Variants in CDK6 observed in about 807,000 individuals in gnomAD.
CDK6 encodes cyclin dependent kinase 6.
Under a neutral mutation model 37.1 loss-of-function variants are expected in CDK6, and 6 were observed. The ratio of observed to expected loss-of-function variants is 0.16; its 90% CI spans 0.09 to 0.32. The LOEUF is 0.32. Among genes scored for constraint, CDK6 ranks in the 10% least tolerant of loss-of-function variants. The probability of loss-of-function intolerance (pLI) is 1.00; values close to 1 mark genes in which losing one functional copy is unlikely to be tolerated. For synonymous variants in CDK6, 160 were observed against 161.3 expected (o/e 0.99, Z 0.06); for missense variants, 224 against 418.9 (o/e 0.53, Z 4.06).
intron 2 of CDK6, among the ~76,000 whole-genome samples, chr7:92,821,028 T>C (rs554997543): frequency 3.3e-5 from 5 of 152,172 alleles, no homozygotes; most frequent in Admixed American, 3.3e-4. Flanking sequence ...AGGTGGTGTA[T>C]GTCTCTACCT....
intron 2 of CDK6, among the ~76,000 whole-genome samples, chr7:92,812,694 G>A (rs1395300866): frequency 6.6e-6 from 1 of 152,102 alleles, no homozygotes; most frequent in Admixed American, 6.5e-5. Flanking sequence ...CCAAGGTGCT[G>A]GGATTACACA....
At chr7:92,639,981 G>C (rs985889892) in intron 5 of CDK6, among the ~76,000 whole-genome samples, 1 of 151,942 alleles carries the variant, frequency 6.6e-6, no homozygotes, top group Non-Finnish European at 1.5e-5. Flanking sequence ...TGAATCCAAG[G>C]GTATCTATCT....
rs60054298 is a variant in CDK6, at chr7:92,614,356, ATG to A, written c.*782_*783del. The stretch of plus-strand genomic sequence containing the variant: ...TTTCCAAAAGAAATGATAAAGCATG[ATG>A]TCATACAGAAGGTTAAAATAGACTT... On this transcript the variant is annotated 3_prime_UTR_variant, in exon 8 of 8. Transcript: ENST00000424848. 0.053 allele frequency: 12,341 copies of A among 232,954 alleles called. 1,460 individuals are homozygous for A. The highest frequency in any genetic ancestry group is 0.25 in the African/African-American group (11,335 of 45,320). The allele number at this position is 232,954 out of a possible 1,614,324, so 14.4% of individuals were successfully genotyped here.
chr7:92,731,658 T>C (rs1417839754), intron 3 of CDK6, among the ~76,000 whole-genome samples: 2 of 152,080 alleles, frequency 1.3e-5, no homozygotes, highest in Non-Finnish European at 2.9e-5. Context: ...ATCAAATATG[T>C]ATTCTGAAAT....
At chr7:92,678,980 T>C (rs898650717) in intron 4 of CDK6, among the ~76,000 whole-genome samples, 3 of 152,208 alleles carry the variant, frequency 2.0e-5, no homozygotes, top group Non-Finnish European at 2.9e-5. Context: ...TTCTTCCTCC[T>C]GGATTCCAGT....
intron 4 of CDK6, among the ~76,000 whole-genome samples, chr7:92,677,032 C>A (rs1683402963): frequency 6.6e-6 from 1 of 151,762 alleles, no homozygotes; most frequent in South Asian, 2.1e-4. Flanking sequence ...CTACTCATCA[C>A]TTCACATTTA....
chr7:92,781,943 T>A (rs1387863452), intron 2 of CDK6, among the ~76,000 whole-genome samples: 1 of 152,216 alleles, frequency 6.6e-6, no homozygotes, highest in African/African-American at 2.4e-5. Context: ...CTGTATTCTC[T>A]TTTTTGCTCA....
intron 4 of CDK6, among the ~76,000 whole-genome samples, chr7:92,675,926 A>G (rs1797192464): frequency 6.6e-6 from 1 of 151,634 alleles, no homozygotes; most frequent in South Asian, 2.1e-4. Context: ...GGTTATACTG[A>G]TTTTCTTTTT....
chr7:92,634,159 C>T (rs1050548458), intron 5 of CDK6, among the ~76,000 whole-genome samples: 9 of 152,164 alleles, frequency 5.9e-5, no homozygotes, highest in Admixed American at 3.3e-4. Flanking sequence ...TCTTTTATGG[C>T]TTCACTTTTA....
chr7:92,779,330 C>A (rs1223572929), intron 2 of CDK6, among the ~76,000 whole-genome samples: 2 of 152,002 alleles, frequency 1.3e-5, no homozygotes, highest in East Asian at 1.9e-4. Flanking sequence ...AATGATAAAC[C>A]TTGGAGAAAA....
rs551109835 is a variant in CDK6, at chr7:92,783,632, C to T, written c.234-8801G>A. 1.1e-3 allele frequency among the ~76,000 whole-genome samples: 168 copies of T among 152,286 alleles called. 1 individual carries two copies. The Middle Eastern group carries it at 0.044, about 40-fold the overall frequency. On this transcript the variant is annotated intron_variant, in intron 2 of 7. Coordinates refer to ENST00000424848, the MANE Select transcript of CDK6 (RefSeq NM_001145306.2). ...CTGTGGCTCTAGGAGTTAATATCTT[C>T]TGAATCTGTTAACCAAAAAATGTTT...
At chr7:92,680,014 C>A (rs985587285) in intron 4 of CDK6, among the ~76,000 whole-genome samples, 1 of 151,562 alleles carries the variant, frequency 6.6e-6, no homozygotes, top group Non-Finnish European at 1.5e-5. Context: ...CCATCGTGCC[C>A]GGCCATAATT....
chr7:92,835,458 T>TC lies in CDK6; in HGVS notation c.-368+1019dup, dbSNP rs1174169135. 5.9e-5 allele frequency among the ~76,000 whole-genome samples: 9 copies of TC among 151,500 alleles called. No individual in the cohort carries two copies. Among genetic ancestry groups the TC allele is most frequent in the African/African-American group, 1.7e-4 (7 of 41,236 alleles). On this transcript the variant is annotated intron_variant, in intron 1 of 7. Coordinates refer to ENST00000424848, the MANE Select transcript of CDK6 (RefSeq NM_001145306.2). This position sits in a 1 kb window ranked among gnomAD's most constrained non-coding sequence, Gnocchi z 4.2. The stretch of plus-strand genomic sequence containing the variant: ...GAGAAACGGGAGCAGCAATGCCTTT[T>TC]CCCCCCCTCTCCTCCACTTTTTTTT...
At chr7:92,829,030 G>A (rs1232481418) in intron 2 of CDK6, among the ~76,000 whole-genome samples, 2 of 152,046 alleles carry the variant, frequency 1.3e-5, no homozygotes, top group Non-Finnish European at 2.9e-5. Flanking sequence ...CACACAAATA[G>A]CAATTTTATT....
chr7:92,764,876 A>G (rs968549029), intron 3 of CDK6, among the ~76,000 whole-genome samples: 1 of 152,218 alleles, frequency 6.6e-6, no homozygotes, highest in Non-Finnish European at 1.5e-5. Flanking sequence ...ATGGATACCT[A>G]CTTTGTATGC....
rs895755188 is a variant in CDK6, at chr7:92,606,848, C to T, written c.*8292G>A. On this transcript the variant is annotated 3_prime_UTR_variant, in exon 8 of 8. Transcript: ENST00000424848. ...CTTTCTAGTTCTAATTTGCACTCTA[C>T]GTGAACCAATATTTTTCTTTTCTTA... is the stretch of plus-strand genomic sequence containing the variant. The T allele has an allele frequency of 9.5e-5, 22 of 232,750 alleles. No individual in the cohort carries two copies. Among genetic ancestry groups the T allele is most frequent in the African/African-American group, 3.5e-4 (16 of 45,324 alleles). The allele number at this position is 232,750 out of a possible 1,614,324, so 14.4% of individuals were successfully genotyped here.
intron 2 of CDK6, among the ~76,000 whole-genome samples, chr7:92,815,025 C>A (rs899851983): frequency 1.3e-5 from 2 of 152,044 alleles, no homozygotes; most frequent in Non-Finnish European, 2.9e-5. Context: ...GCCATGAGGG[C>A]ACCGTGGAGG....
chr7:92,693,077 CA>C (rs1167621613), intron 4 of CDK6, among the ~76,000 whole-genome samples: 2 of 152,174 alleles, frequency 1.3e-5, no homozygotes, highest in African/African-American at 2.4e-5. Flanking sequence ...ACCTACCAAA[CA>C]AACTATAAAC....
chr7:92,672,166 TAC>T lies in CDK6; in HGVS notation c.538-633_538-632del, dbSNP rs1434883987. Among the ~76,000 whole-genome samples the T allele has an allele frequency of 3.3e-3, 127 of 38,710 alleles. 1 individual carries two copies. Among genetic ancestry groups the T allele is most frequent in the African/African-American group, 1.0e-2 (86 of 8,622 alleles). The allele number at this position is 38,710 out of a possible 152,430, so 25.4% of individuals were successfully genotyped here. A position where few individuals can be genotyped will look rare whatever the true frequency, so the allele number is the denominator to read the frequency against. On this transcript the variant is annotated intron_variant, in intron 4 of 7. Coordinates refer to ENST00000424848, the MANE Select transcript of CDK6 (RefSeq NM_001145306.2). ...ATATATATATATATATATATACACA[TAC>T]ACACACACACACACAGACACATACA...
Sources: allele counts gnomAD v4.1 joint callset (sites outside exome capture counted in the v4.1 genomes callset), GRCh38; gene constraint gnomAD v4.1.1; non-coding constraint Gnocchi (gnomAD v3.1); transcripts MANE v1.5; gene names NCBI Gene and HGNC (gene_info 2026-07-23, HGNC 2026-07-21).